The following SBF2 variants were observed in gnomAD, a reference collection of about 807,000 sequenced individuals.
SBF2 encodes myotubularin-related protein 13.
A neutral mutation model predicts 225.2 loss-of-function variants in SBF2; 112 were observed. The observed-to-expected ratio is 0.50, with a 90% CI of 0.43 to 0.58. SBF2 has a LOEUF of 0.58. Ranked by LOEUF, SBF2 falls within the 20% of genes least tolerant of loss-of-function variation. The probability of loss-of-function intolerance (pLI) is 0.00; values close to 1 mark genes in which losing one functional copy is unlikely to be tolerated. For missense variants in SBF2, 1,996 were observed against 2,206.2 expected, an observed-to-expected ratio of 0.90 and a Z score of 1.91; for synonymous variants, 763 against 773.3, an observed-to-expected ratio of 0.99 and a Z score of 0.22.
chr11:10,266,843 C>T (rs951429335), intron 1 of SBF2, among the ~76,000 whole-genome samples: 2 of 152,214 alleles, frequency 1.3e-5, no homozygotes, highest in Non-Finnish European at 2.9e-5. Context: ...AATCCCAACA[C>T]TTTGGGAAGC....
intron 6 of SBF2, among the ~76,000 whole-genome samples, chr11:10,015,786 C>A: frequency 6.6e-6 from 1 of 151,980 alleles, no homozygotes; most frequent in African/African-American, 2.4e-5. Flanking sequence ...AATGAAGACT[C>A]TGGGGAAAAA....
At chr11:9,804,592 A>G (rs1281190048) in intron 32 of SBF2, among the ~76,000 whole-genome samples, 1 of 152,204 alleles carries the variant, frequency 6.6e-6, no homozygotes, top group Non-Finnish European at 1.5e-5. Flanking sequence ...TGCCCTTTGC[A>G]TGATGATTGA....
At chr11:9,893,089 A>G (rs1434407589) in intron 17 of SBF2, among the ~76,000 whole-genome samples, 1 of 152,210 alleles carries the variant, frequency 6.6e-6, no homozygotes, top group Non-Finnish European at 1.5e-5. Context: ...TATTTAAAGT[A>G]TTTTAAAAGT....
intron 17 of SBF2, among the ~76,000 whole-genome samples, chr11:9,880,456 T>A (rs1458051548): frequency 1.3e-5 from 2 of 152,242 alleles, no homozygotes; most frequent in Non-Finnish European, 2.9e-5. Context: ...ATGGGACATG[T>A]GCTCTTCATG....
intron 21 of SBF2, among the ~76,000 whole-genome samples, chr11:9,851,090 T>C (rs112155487): frequency 0.11 from 16,665 of 146,928 alleles, 932 homozygotes; most frequent in East Asian, 0.15. Context: ...GAGCCGAGAT[T>C]GTGCCACTGC....
chr11:9,862,420 G>A (rs930494274), intron 17 of SBF2, among the ~76,000 whole-genome samples: 2 of 152,200 alleles, frequency 1.3e-5, no homozygotes, highest in African/African-American at 4.8e-5. Flanking sequence ...GGGTGGTAAG[G>A]TAAATATTTC....
intron 17 of SBF2, among the ~76,000 whole-genome samples, chr11:9,885,931 G>A (rs1397362635): frequency 3.3e-5 from 5 of 152,064 alleles, no homozygotes; most frequent in African/African-American, 9.7e-5. Context: ...GATGGGATGC[G>A]TTCTCCCTTC....
At chr11:10,038,076 T>C (rs16907417) in intron 3 of SBF2, among the ~76,000 whole-genome samples, 26,489 of 151,882 alleles carry the variant, frequency 0.17, 2,462 homozygotes, top group East Asian at 0.26. Context: ...CACAATAGGG[T>C]CTGCTTCTGG....
At chr11:10,203,776 A>G (rs1427309712) in intron 1 of SBF2, among the ~76,000 whole-genome samples, 1 of 149,324 alleles carries the variant, frequency 6.7e-6, no homozygotes, top group Non-Finnish European at 1.5e-5. Context: ...TAGACACTAC[A>G]AGGAAAAAAA....
chr11:10,216,359 C>A (rs10160400), intron 1 of SBF2, among the ~76,000 whole-genome samples: 13,784 of 152,246 alleles, frequency 0.091, 752 homozygotes, highest in Middle Eastern at 0.18. Flanking sequence ...ACTGATGTTA[C>A]CTAGAATAAG....
In SBF2 at chr11:9,812,537, G is replaced by A. The variant is rs138028341; in HGVS notation, c.4150C>T (p.Pro1384Ser). 4 of 1,613,990 alleles carry A rather than the reference G, an allele frequency of 2.5e-6. No homozygotes were observed. In the African/African-American group the frequency reaches 4.0e-5, roughly 16 times the overall value. ...GAAGCTGCTTCAGACATTACCTGTGGGAACCACTCAGAATCTCCCAGCGCT... is the reference window on the plus strand; with the variant it reads ...GAAGCTGCTTCAGACATTACCTGTGAGAACCACTCAGAATCTCCCAGCGCT... ...LKALGDSEWF[P>S]QLHRIMQLAV... The change falls in exon 30 of 40, where the codon CCA becomes TCA. Residue 1384 changes from proline to serine, a missense_variant. By Grantham distance (74) the Pro-to-Ser change is moderately conservative. Transcript: ENST00000256190.
intron 2 of SBF2, among the ~76,000 whole-genome samples, chr11:10,155,568 A>C (rs1228969418): frequency 1.3e-5 from 2 of 152,138 alleles, no homozygotes; most frequent in African/African-American, 4.8e-5. Context: ...AAAATTTCCC[A>C]CCAATTTTAT....
intron 13 of SBF2, 94 bp from the exon 14 acceptor site, chr11:9,968,639 G>C: frequency 2.0e-6 from 2 of 986,200 alleles, no homozygotes; most frequent in South Asian, 2.6e-5. Flanking sequence ...ACACGAGCTG[G>C]GTAGTTATAC....
chr11:10,229,782 A>C (rs533125333), intron 1 of SBF2, among the ~76,000 whole-genome samples: 129 of 152,254 alleles, frequency 8.5e-4, no homozygotes, highest in African/African-American at 2.6e-3. Context: ...AAAAAAATGT[A>C]TATTCTGTTG....
At position 9,934,757 on chromosome 11, in the gene SBF2, C is replaced by T. The variant is rs9761182; in HGVS notation, c.1860+27200G>A. Among the ~76,000 whole-genome samples the T allele has an allele frequency of 3.5e-3, 530 of 152,186 alleles. 4 individuals carry two copies. Among genetic ancestry groups the T allele is most frequent in the African/African-American group, 0.011 (463 of 41,526 alleles). On this transcript the variant is annotated intron_variant, in intron 16 of 39. Transcript: ENST00000256190. ...AAGGCCTTTGACAAAATTCAACAGC[C>T]CTTCATGCTAAAAACTCTCGATAAA... is the stretch of plus-strand genomic sequence containing the variant.
At position 9,968,427 on chromosome 11, in the gene SBF2, A is replaced by AT; in HGVS notation, c.1513dup (p.Ile505AsnfsTer7). 6.2e-7 allele frequency: 1 copy of AT among 1,614,140 alleles called. No individual in the cohort carries two copies. The highest frequency in any genetic ancestry group is 8.5e-7 in the Non-Finnish European group (1 of 1,180,008). Reference sequence around the variant, plus strand: ...CTGGTTCTTAGCAACATTTTCCTGTATTAATTCCTGAACCCGGGCTTCATT... The same window carrying AT: ...CTGGTTCTTAGCAACATTTTCCTGTATTTAATTCCTGAACCCGGGCTTCATT... On this transcript the variant is annotated frameshift_variant, in exon 14 of 40. Transcript: ENST00000256190. LOFTEE classifies it high-confidence loss of function.
At chr11:10,107,145 A>G (rs1469791326) in intron 2 of SBF2, among the ~76,000 whole-genome samples, 1 of 152,248 alleles carries the variant, frequency 6.6e-6, no homozygotes, top group African/African-American at 2.4e-5. Context: ...AAATAAGTCC[A>G]GGCCATTCAG....
At chr11:9,804,258 AT>A (rs892551715) in intron 32 of SBF2, among the ~76,000 whole-genome samples, 27 of 152,182 alleles carry the variant, frequency 1.8e-4, no homozygotes, top group Admixed American at 1.6e-3. Flanking sequence ...CTGAACTGGG[AT>A]TTCCCTGGAC....
chr11:10,171,758 T>G (rs979627633), intron 2 of SBF2, among the ~76,000 whole-genome samples: 1 of 152,242 alleles, frequency 6.6e-6, no homozygotes, highest in African/African-American at 2.4e-5. Context: ...AATTCAGCAG[T>G]CAAGCCACTG....
Sources: gnomAD v4.1 joint callset for allele counts (sites outside exome capture counted in the v4.1 genomes callset) on GRCh38, gnomAD v4.1.1 for gene constraint, MANE v1.5 for transcripts, NCBI Gene and HGNC (gene_info 2026-07-23, HGNC 2026-07-21) for gene names.